Variants in CSMD1 observed in about 807,000 individuals in gnomAD.
CSMD1 encodes CUB and Sushi multiple domains 1.
In CSMD1, 213 loss-of-function variants were observed where a neutral mutation model predicts 417.5. That is an observed-to-expected ratio of 0.51 (90% CI 0.46 to 0.57). The LOEUF (loss-of-function observed/expected upper bound fraction) is 0.57. Ranked by LOEUF, CSMD1 falls within the 20% of genes least tolerant of loss-of-function variation. The probability of loss-of-function intolerance (pLI) is 0.00; values close to 1 mark genes in which losing one functional copy is unlikely to be tolerated. For missense variants in CSMD1, 6,923 were observed against 4,529.7 expected, an observed-to-expected ratio of 1.53 and a Z score of -15.17; for synonymous variants, 2,862 against 1,736.8, an observed-to-expected ratio of 1.65 and a Z score of -16.11.
chr8:2,944,605 G>C (rs928812519), intron 68 of CSMD1, among the ~76,000 whole-genome samples: 1 of 151,992 alleles, frequency 6.6e-6, no homozygotes, highest in Admixed American at 6.6e-5. Context: ...GTTTGGTTTC[G>C]TTTGGTTTGG....
chr8:3,624,132 T>G (rs1796386107), intron 7 of CSMD1, among the ~76,000 whole-genome samples: 1 of 152,170 alleles, frequency 6.6e-6, no homozygotes, highest in African/African-American at 2.4e-5. Context: ...TTCATAAAAT[T>G]TAATTAATAA....
chr8:3,349,178 G>A (rs1277697920), intron 21 of CSMD1, among the ~76,000 whole-genome samples: 8 of 152,192 alleles, frequency 5.3e-5, no homozygotes, highest in African/African-American at 1.9e-4. Flanking sequence ...CTGAGAGCAG[G>A]AGAGAAGGAT....
chr8:3,042,117 G>T (rs1322169008), intron 50 of CSMD1, among the ~76,000 whole-genome samples: 1 of 152,156 alleles, frequency 6.6e-6, no homozygotes, highest in Non-Finnish European at 1.5e-5. Flanking sequence ...CACCCAGGCA[G>T]GAGGGTGATG....
At chr8:4,096,452 C>G (rs998929004) in intron 3 of CSMD1, among the ~76,000 whole-genome samples, 4 of 152,110 alleles carry the variant, frequency 2.6e-5, no homozygotes, top group African/African-American at 9.7e-5. Context: ...TGATCCCCAT[C>G]TAAAATGTAA....
chr8:3,340,529 A>G (rs1005967493), intron 23 of CSMD1, among the ~76,000 whole-genome samples: 1 of 152,208 alleles, frequency 6.6e-6, no homozygotes, highest in Non-Finnish European at 1.5e-5. Flanking sequence ...GGCAATTACA[A>G]AAGTCTTTTG....
intron 7 of CSMD1, among the ~76,000 whole-genome samples, chr8:3,640,064 A>C (rs1797232254): frequency 6.6e-6 from 1 of 152,180 alleles, no homozygotes; most frequent in Non-Finnish European, 1.5e-5. Context: ...ATTGCATAAG[A>C]AGCAGCAACT....
intron 1 of CSMD1, among the ~76,000 whole-genome samples, chr8:4,640,763 C>T (rs1234564470): frequency 6.6e-6 from 1 of 150,396 alleles, no homozygotes; most frequent in Non-Finnish European, 1.5e-5. Context: ...ATTTGTATTT[C>T]TTCAGGGCAA....
At chr8:4,777,116 T>C (rs1399056223) in intron 1 of CSMD1, among the ~76,000 whole-genome samples, 3 of 152,164 alleles carry the variant, frequency 2.0e-5, no homozygotes, top group East Asian at 1.9e-4. Flanking sequence ...TGCCAGACAA[T>C]AGATTCACAG....
intron 3 of CSMD1, among the ~76,000 whole-genome samples, chr8:4,301,015 G>A (rs573222641): frequency 2.5e-4 from 38 of 152,232 alleles, no homozygotes; most frequent in African/African-American, 8.7e-4. Flanking sequence ...TGTCTTTATA[G>A]CAGCATGATA....
intron 1 of CSMD1, among the ~76,000 whole-genome samples, chr8:4,710,615 A>G (rs2219760): frequency 0.82 from 123,547 of 150,944 alleles, 50,822 homozygotes; most frequent in East Asian, 0.91. Flanking sequence ...GGAGACTCAG[A>G]TGGGTGGATC....
At chr8:4,425,049 G>C (rs747563641) in intron 2 of CSMD1, among the ~76,000 whole-genome samples, 29 of 151,864 alleles carry the variant, frequency 1.9e-4, no homozygotes, top group Non-Finnish European at 3.2e-4. Flanking sequence ...AAACTATTGA[G>C]GATAATTTAG....
chr8:3,978,986 T>G (rs1813649694), intron 5 of CSMD1, among the ~76,000 whole-genome samples: 1 of 152,190 alleles, frequency 6.6e-6, no homozygotes, highest in East Asian at 1.9e-4. Flanking sequence ...AGCTTGCATT[T>G]TACAACAATT....
intron 1 of CSMD1, among the ~76,000 whole-genome samples, chr8:4,925,712 A>G (rs1806820424): frequency 2.0e-5 from 3 of 151,822 alleles, no homozygotes; most frequent in South Asian, 2.1e-4. Flanking sequence ...ACGCAGGGCT[A>G]ATTTTTTTGT....
At chr8:4,444,975 T>C (rs1213944201) in intron 2 of CSMD1, among the ~76,000 whole-genome samples, 1 of 152,210 alleles carries the variant, frequency 6.6e-6, no homozygotes, top group Non-Finnish European at 1.5e-5. Flanking sequence ...GTTAAAGAAA[T>C]GTTATTTCCC....
intron 49 of CSMD1, among the ~76,000 whole-genome samples, chr8:3,070,046 G>A (rs1813225053): frequency 6.6e-6 from 1 of 152,226 alleles, no homozygotes; most frequent in African/African-American, 2.4e-5. Context: ...ATTCAAAGAT[G>A]GAGCCAGAAC....
intron 7 of CSMD1, among the ~76,000 whole-genome samples, chr8:3,678,838 C>T (rs1799511000): frequency 6.6e-6 from 1 of 152,164 alleles, no homozygotes; most frequent in African/African-American, 2.4e-5. Context: ...CAGCTGATCT[C>T]TCAGCAGAAA....
chr8:3,690,168 G>A (rs930301634), intron 7 of CSMD1, among the ~76,000 whole-genome samples: 1 of 152,174 alleles, frequency 6.6e-6, no homozygotes, highest in African/African-American at 2.4e-5. Flanking sequence ...AGACCAGCCT[G>A]GGCAACAGGG....
intron 50 of CSMD1, among the ~76,000 whole-genome samples, chr8:3,042,439 T>C (rs771348780): frequency 4.6e-5 from 7 of 152,180 alleles, no homozygotes; most frequent in Non-Finnish European, 1.0e-4. Context: ...CTAAATGTAT[T>C]TATCATCTGC....
intron 57 of CSMD1, among the ~76,000 whole-genome samples, chr8:2,968,098 T>C (rs1345464680): frequency 6.6e-6 from 1 of 152,208 alleles, no homozygotes; most frequent in Non-Finnish European, 1.5e-5. Flanking sequence ...GCACATACTA[T>C]TTAAGGCTCT....
Sources: allele counts gnomAD v4.1 joint callset (sites outside exome capture counted in the v4.1 genomes callset), GRCh38; gene constraint gnomAD v4.1.1; transcripts MANE v1.5; gene names NCBI Gene and HGNC (gene_info 2026-07-23, HGNC 2026-07-21).